Variants in EDNRA observed in about 807,000 individuals in gnomAD.
EDNRA encodes the protein endothelin-1 receptor.
EDNRA carries 11 observed loss-of-function variants against 41.4 expected under a neutral mutation model. That is an observed-to-expected ratio of 0.27 (90% CI 0.17 to 0.44). The LOEUF is 0.44. EDNRA is among the 20% of genes least tolerant of loss of function. The pLI is 1.00. For missense variants in EDNRA, 294 were observed against 531.0 expected (o/e 0.55, Z 4.39); for synonymous variants, 172 against 183.0 (o/e 0.94, Z 0.49).
intron 3 of EDNRA, among the ~76,000 whole-genome samples, chr4:147,523,896 C>A (rs187954100): frequency 3.3e-5 from 5 of 152,104 alleles, no homozygotes; most frequent in Non-Finnish European, 5.9e-5. Flanking sequence ...CCCTTCCCAT[C>A]ATGGCCTGAA....
intron 2 of EDNRA, chr4:147,493,660 G>A (rs1221398361): frequency 3.9e-5 from 6 of 152,054 alleles, no homozygotes; most frequent in Non-Finnish European, 7.4e-5. Flanking sequence ...TGGAAAAACT[G>A]TCCTAAGATT....
At chr4:147,484,933 C>T (rs1578770087) in intron 1 of EDNRA, among the ~76,000 whole-genome samples, 2 of 152,312 alleles carry the variant, frequency 1.3e-5, no homozygotes, top group South Asian at 4.1e-4. Context: ...TTTCATAACA[C>T]TTTAGATGGC....
chr4:147,514,849 AT>A, intron 2 of EDNRA, among the ~76,000 whole-genome samples: 1 of 152,274 alleles, frequency 6.6e-6, no homozygotes, highest in South Asian at 2.1e-4. Context: ...GTCAGCTGTC[AT>A]TTTTGCTGAC....
chr4:147,520,473 T>C (rs1221539700), intron 3 of EDNRA: 1 of 518,712 alleles, frequency 1.9e-6, no homozygotes, highest in African/African-American at 1.9e-5. Flanking sequence ...GAAGCATCCC[T>C]TTATCCAATT....
chr4:147,532,720 A>G lies in EDNRA; in HGVS notation c.747+16A>G. ...ATTCATGGAGGTACTAAACGTTTAA[A>G]AGGAATTAACTGGGGAAGGGAGGAG... is the stretch of plus-strand genomic sequence containing the variant. On this transcript the variant is annotated intron_variant, in intron 4 of 7. Coordinates refer to ENST00000651419, the MANE Select transcript of EDNRA (RefSeq NM_001957.4). 6.2e-7 allele frequency: 1 copy of G among 1,613,200 alleles called. No individual in the cohort carries two copies. Among genetic ancestry groups the G allele is most frequent in the African/African-American group, 1.3e-5 (1 of 75,032 alleles).
intron 3 of EDNRA, among the ~76,000 whole-genome samples, chr4:147,522,267 G>A (rs557898789): frequency 2.2e-4 from 33 of 152,212 alleles, no homozygotes; most frequent in African/African-American, 7.2e-4. Flanking sequence ...GGCTGGGTGA[G>A]GTGGCTCATG....
At chr4:147,508,548 A>G (rs1036538947) in intron 2 of EDNRA, among the ~76,000 whole-genome samples, 1 of 152,222 alleles carries the variant, frequency 6.6e-6, no homozygotes, top group Non-Finnish European at 1.5e-5. Flanking sequence ...CAAGATCACA[A>G]AGAATTTCTC....
At chr4:147,533,003 G>GTA (rs1186651609) in intron 4 of EDNRA, among the ~76,000 whole-genome samples, 3 of 139,250 alleles carry the variant, frequency 2.2e-5, no homozygotes, top group African/African-American at 9.2e-5. Flanking sequence ...GTGTGTGTGT[G>GTA]TATGTGTGTG....
rs998466612 is a variant in EDNRA, at chr4:147,509,078, CTATTT to C, written c.421-10768_421-10764del. The stretch of plus-strand genomic sequence containing the variant: ...CTTCTTTTGTTATATGTATTCTCAA[CTATTT>C]TATTCTTTTTTGGTACAGTTTTGAA... On this transcript the variant is annotated intron_variant, in intron 2 of 7. Coordinates refer to ENST00000651419, the MANE Select transcript of EDNRA (RefSeq NM_001957.4). Among the ~76,000 whole-genome samples the C allele has an allele frequency of 3.5e-4, 53 of 152,258 alleles. 1 individual carries two copies. The highest frequency in any genetic ancestry group is 3.1e-3 in the Admixed American group (47 of 15,296).
At chr4:147,484,137 G>T (rs901255010) in intron 1 of EDNRA, among the ~76,000 whole-genome samples, 3 of 152,004 alleles carry the variant, frequency 2.0e-5, no homozygotes, top group Non-Finnish European at 4.4e-5. Context: ...AAAGCCTACA[G>T]AAAAGGAAAT....
chr4:147,537,874 T>C (rs576492025), intron 5 of EDNRA, among the ~76,000 whole-genome samples: 10 of 152,236 alleles, frequency 6.6e-5, no homozygotes, highest in Non-Finnish European at 1.2e-4. Context: ...GAAGAGCAAG[T>C]GTGGCTGAAA....
chr4:147,482,398 A>T (rs2126361168), intron 1 of EDNRA, among the ~76,000 whole-genome samples: 1 of 152,300 alleles, frequency 6.6e-6, no homozygotes, highest in Admixed American at 6.5e-5. Context: ...GATTCCAAAC[A>T]GGAAGAATGC....
In EDNRA at chr4:147,485,762, C is replaced by T; in HGVS notation, c.81C>T (p.Ser27=). The change falls in exon 2 of 8, where the codon AGC becomes AGT. Residue 27 remains serine (S), a synonymous_variant. Transcript: ENST00000651419. ...CVISDNPERY[S]TNLSNHVDDF... is the part of the protein sequence containing the mutation. ...TCAGTGATAATCCTGAGAGATACAG[C>T]ACAAATCTAAGCAATCATGTGGATG... is the stretch of plus-strand genomic sequence containing the variant. 6.2e-7 allele frequency: 1 copy of T among 1,614,198 alleles called. No individual in the cohort carries two copies. Among genetic ancestry groups the T allele is most frequent in the Non-Finnish European group, 8.5e-7 (1 of 1,180,038 alleles).
chr4:147,484,076 G>A lies in EDNRA; in HGVS notation c.-70-1536G>A, dbSNP rs148825222. 3.2e-4 allele frequency among the ~76,000 whole-genome samples: 48 copies of A among 152,000 alleles called. No homozygotes were observed. The East Asian group carries it at 8.1e-3, about 26-fold the overall frequency. ...ACCTGGGTATATACATCACAGACAC[G>A]TACACACACCACCGCATAAATCAGA... On this transcript the variant is annotated intron_variant, in intron 1 of 7. Transcript: ENST00000651419.
intron 3 of EDNRA, among the ~76,000 whole-genome samples, chr4:147,526,417 G>A (rs891026678): frequency 1.3e-5 from 2 of 152,152 alleles, no homozygotes; most frequent in African/African-American, 4.8e-5. Flanking sequence ...CACCTTGGCA[G>A]GGACAGCTGG....
In EDNRA at chr4:147,519,381, T is replaced by G. The variant is rs10305897; in HGVS notation, c.421-470T>G. Among the ~76,000 whole-genome samples, 173 of 152,302 alleles carry G rather than the reference T, an allele frequency of 1.1e-3. 1 individual carries two copies. Among genetic ancestry groups the G allele is most frequent in the African/African-American group, 3.9e-3 (163 of 41,564 alleles). On this transcript the variant is annotated intron_variant, in intron 2 of 7. Coordinates refer to ENST00000651419, the MANE Select transcript of EDNRA (RefSeq NM_001957.4). The surrounding 1 kb of genome is among the most constrained non-coding windows in gnomAD (Gnocchi z 4.1). ...GAAATTATTTGCTTTACTCATGGTT[T>G]AGTAAGCACAGATAAAAAACCACTG...
rs1259337481 is a variant in EDNRA, at chr4:147,519,816, C to G, written c.421-35C>G. 8.7e-6 allele frequency: 14 copies of G among 1,609,542 alleles called. No individual in the cohort carries two copies. The highest frequency in any genetic ancestry group is 1.7e-5 in the Admixed American group (1 of 59,444). On this transcript the variant is annotated intron_variant, in intron 2 of 7. Coordinates refer to ENST00000651419, the MANE Select transcript of EDNRA (RefSeq NM_001957.4). This position sits in a 1 kb window ranked among gnomAD's most constrained non-coding sequence, Gnocchi z 4.1. ...AGTGCCCACATGCTCCGTGCCAGCTCTACCATTTCTTACCACTGTGTCTCC... is the reference window on the plus strand; with the variant it reads ...AGTGCCCACATGCTCCGTGCCAGCTGTACCATTTCTTACCACTGTGTCTCC...
intron 2 of EDNRA, among the ~76,000 whole-genome samples, chr4:147,504,707 A>G (rs895864446): frequency 1.3e-5 from 2 of 152,072 alleles, no homozygotes; most frequent in African/African-American, 4.8e-5. Flanking sequence ...TAATCCCAGC[A>G]CTTTGGGAGG....
Position 147,481,325 on chromosome 4 carries a change from G to A in EDNRA, c.-122G>A, listed in dbSNP as rs1447203255. 6.6e-6 allele frequency: 1 copy of A among 152,670 alleles called. No individual in the cohort carries two copies. The highest frequency in any genetic ancestry group is 6.5e-5 in the Admixed American group (1 of 15,290). The allele number at this position is 152,670 out of a possible 1,614,324, so 9.5% of individuals were successfully genotyped here. On this transcript the variant is annotated 5_prime_UTR_variant, in exon 1 of 8. Coordinates refer to ENST00000651419, the MANE Select transcript of EDNRA (RefSeq NM_001957.4). ...ACCCTCGCCGGCTCCGGCTTCCTCT[G>A]GCCCAGGCGCCGCGCGGACCCGGCA...
Sources: allele counts gnomAD v4.1 joint callset (sites outside exome capture counted in the v4.1 genomes callset), GRCh38; gene constraint gnomAD v4.1.1; non-coding constraint Gnocchi (gnomAD v3.1); transcripts MANE v1.5; gene names NCBI Gene and HGNC (gene_info 2026-07-23, HGNC 2026-07-21).